AFF2: variants seen among roughly 807,000 people sequenced by gnomAD.
AFF2 encodes ALF transcription elongation factor 2.
Under a neutral mutation model 76.9 loss-of-function variants are expected in AFF2, and 14 were observed. That is an observed-to-expected ratio of 0.18 (90% CI 0.12 to 0.28). The LOEUF is 0.28. Ranked by LOEUF, AFF2 falls within the 10% of genes least tolerant of loss-of-function variation. The pLI is 1.00. For missense variants in AFF2, 868 were observed against 1,001.1 expected, an observed-to-expected ratio of 0.87 and a Z score of 1.79; for synonymous variants, 398 against 366.7, an observed-to-expected ratio of 1.09 and a Z score of -0.98.
intron 3 of AFF2, among the ~76,000 whole-genome samples, chrX:148,705,561 C>CG (rs1471629466): frequency 1.0e-4 from 3 of 29,522 alleles, no homozygotes; most frequent in Non-Finnish European, 1.8e-4. Flanking sequence ...GAGCAGAGGA[C>CG]TTAGCTTTTT....
At chrX:148,679,039 A>G (rs1557259714) in intron 3 of AFF2, among the ~76,000 whole-genome samples, 1 of 110,512 alleles carries the variant, frequency 9.0e-6, no homozygotes, top group African/African-American at 3.3e-5. Flanking sequence ...ACACCGCTGT[A>G]TAATACATTA....
intron 4 of AFF2, among the ~76,000 whole-genome samples, chrX:148,819,674 C>A (rs1483519720): frequency 9.0e-6 from 1 of 110,932 alleles, no homozygotes; most frequent in Non-Finnish European, 1.9e-5. Context: ...TGATAAAATC[C>A]AATTTATCTT....
At chrX:148,513,670 T>C (rs781890936) in intron 1 of AFF2, among the ~76,000 whole-genome samples, 6 of 111,570 alleles carry the variant, frequency 5.4e-5, no homozygotes, top group Non-Finnish European at 1.1e-4. Flanking sequence ...AATTATAAAA[T>C]ATGGGATAAG....
intron 3 of AFF2, among the ~76,000 whole-genome samples, chrX:148,705,059 A>C (rs911638594): frequency 8.0e-5 from 9 of 111,953 alleles, no homozygotes; most frequent in South Asian, 3.7e-4. Context: ...CTGACAATTT[A>C]CCAATTTATG....
chrX:148,683,073 A>G (rs1557260064), intron 3 of AFF2, among the ~76,000 whole-genome samples: 1 of 112,057 alleles, frequency 8.9e-6, no homozygotes, highest in Non-Finnish European at 1.9e-5. Flanking sequence ...GCCATCATCT[A>G]GCTGATGAGT....
chrX:148,518,189 A>G (rs1603228445), intron 1 of AFF2, among the ~76,000 whole-genome samples: 1 of 111,704 alleles, frequency 9.0e-6, no homozygotes, highest in Non-Finnish European at 1.9e-5. Context: ...GTCTATTAAA[A>G]GGACTTTATA....
chrX:148,573,384 T>C (rs1347461098), intron 1 of AFF2, among the ~76,000 whole-genome samples: 1 of 111,084 alleles, frequency 9.0e-6, no homozygotes, highest in African/African-American at 3.3e-5. Context: ...CTGGGGGAAG[T>C]GCTATATGGA....
intron 3 of AFF2, among the ~76,000 whole-genome samples, chrX:148,693,546 C>T (rs1164787930): frequency 1.8e-5 from 2 of 111,920 alleles, no homozygotes; most frequent in Non-Finnish European, 3.8e-5. Flanking sequence ...TTTCCCATGT[C>T]TAATTTTAGT....
At chrX:148,892,338 TC>T (rs2071232881) in intron 8 of AFF2, among the ~76,000 whole-genome samples, 1 of 104,691 alleles carries the variant, frequency 9.6e-6, no homozygotes, top group African/African-American at 3.3e-5. Context: ...TTTTGTTTTT[TC>T]TTTTTTTAAA....
chrX:148,805,062 A>G (rs1035163067), intron 3 of AFF2, among the ~76,000 whole-genome samples: 4 of 112,058 alleles, frequency 3.6e-5, no homozygotes, highest in East Asian at 2.8e-4. Context: ...GTAGTACAGT[A>G]TCATAACCTG....
intron 1 of AFF2, among the ~76,000 whole-genome samples, chrX:148,633,058 A>G (rs1310261054): frequency 8.9e-6 from 1 of 112,286 alleles, no homozygotes; most frequent in Non-Finnish European, 1.9e-5. Context: ...TGTAAAGGGC[A>G]TTCAAGAGTC....
chrX:148,845,718 G>T (rs2070659087), intron 7 of AFF2, among the ~76,000 whole-genome samples: 1 of 111,982 alleles, frequency 8.9e-6, no homozygotes, highest in South Asian at 3.7e-4. Flanking sequence ...ATTTGGCAGG[G>T]TAATCCTCCA....
chrX:148,958,372 G>A lies in AFF2; in HGVS notation c.2604G>A (p.Lys868=). 1.7e-6 allele frequency: 2 copies of A among 1,211,056 alleles called. No homozygotes were observed. The highest frequency in any genetic ancestry group is 3.0e-5 in the East Asian group (1 of 33,802). ...TTGCAGAGAAGATCCCTGAGAAGAA[G>A]CAGCGCCTGGAGGAGGCCACAACTA... ...IEVAEKIPEK[K]QRLEEATTIC... The change falls in exon 12 of 21, where the codon AAG becomes AAA. Residue 868 remains lysine, a synonymous_variant. Transcript: ENST00000370460.
chrX:148,626,551 T>C (rs782081644), intron 1 of AFF2, among the ~76,000 whole-genome samples: 8 of 109,353 alleles, frequency 7.3e-5, no homozygotes, highest in Non-Finnish European at 1.5e-4. Context: ...AATGGTTATA[T>C]TTTTTTCTTA....
chrX:148,809,952 A>G (rs371850337), intron 4 of AFF2, 32 bp downstream of exon 4: 1 of 1,170,290 alleles, frequency 8.5e-7, no homozygotes, highest in African/African-American at 1.8e-5. Context: ...TGTGCCTTTT[A>G]ATAATGAAGC....
chrX:148,711,459 A>C (rs1037508366), intron 3 of AFF2, among the ~76,000 whole-genome samples: 7 of 112,223 alleles, frequency 6.2e-5, no homozygotes, highest in Admixed American at 2.8e-4. Flanking sequence ...ACCTATAAAA[A>C]TTCTTCTAGC....
chrX:148,897,218 C>G (rs1245910627), intron 8 of AFF2, among the ~76,000 whole-genome samples: 1 of 39,424 alleles, frequency 2.5e-5, no homozygotes, highest in Non-Finnish European at 4.3e-5. Flanking sequence ...AAGCCTTAGT[C>G]CACTATATAT....
At chrX:148,839,468 C>T (rs1269813057) in intron 5 of AFF2, among the ~76,000 whole-genome samples, 1 of 111,784 alleles carries the variant, frequency 8.9e-6, no homozygotes, top group Non-Finnish European at 1.9e-5. Flanking sequence ...TTTTACTACC[C>T]CAGTTTACAG....
chrX:148,681,631 AAG>A (rs1156490275), intron 3 of AFF2, among the ~76,000 whole-genome samples: 3 of 104,701 alleles, frequency 2.9e-5, no homozygotes, highest in Middle Eastern at 4.7e-3. Context: ...GAAAGAAAGA[AAG>A]AGAAGAGAAA....
Sources: allele counts gnomAD v4.1 joint callset (sites outside exome capture counted in the v4.1 genomes callset), GRCh38; gene constraint gnomAD v4.1.1; transcripts MANE v1.5; gene names NCBI Gene and HGNC (gene_info 2026-07-23, HGNC 2026-07-21).